The following NRG1 variants were observed in gnomAD, a reference collection of about 807,000 sequenced individuals.
NRG1 encodes pro-neuregulin-1, membrane-bound isoform.
Under a neutral mutation model 63.8 loss-of-function variants are expected in NRG1, and 18 were observed. That is an observed-to-expected ratio of 0.28 (90% CI 0.19 to 0.42). The LOEUF (loss-of-function observed/expected upper bound fraction) is 0.42, where lower values mean the gene tolerates loss of function less well. Among genes scored for constraint, NRG1 ranks in the 10% least tolerant of loss-of-function variants. NRG1 has a pLI of 1.00. For synonymous variants in NRG1, 302 were observed against 301.3 expected (o/e 1.00, Z -0.02); for missense variants, 762 against 814.7 (o/e 0.94, Z 0.79).
chr8:32,567,957 G>A (rs191898247), intron 1 of NRG1, among the ~76,000 whole-genome samples: 2 of 152,348 alleles, frequency 1.3e-5, no homozygotes, highest in East Asian at 3.9e-4. Flanking sequence ...AGAATGCAGG[G>A]AAGTGACTGG....
At chr8:31,858,433 A>AC (rs1432218097) in intron 1 of NRG1, among the ~76,000 whole-genome samples, 1 of 152,160 alleles carries the variant, frequency 6.6e-6, no homozygotes, top group Non-Finnish European at 1.5e-5. Flanking sequence ...AAAATTAAAA[A>AC]ATCATTATTT....
intron 1 of NRG1, among the ~76,000 whole-genome samples, chr8:32,281,810 C>A (rs1424960636): frequency 2.0e-5 from 3 of 151,984 alleles, no homozygotes; most frequent in Non-Finnish European, 4.4e-5. Context: ...GTGAGACCCC[C>A]CCCATCTCTT....
chr8:32,432,405 A>T (rs1314289836), intron 1 of NRG1, among the ~76,000 whole-genome samples: 2 of 152,202 alleles, frequency 1.3e-5, no homozygotes, highest in African/African-American at 2.4e-5. Context: ...AAGAGAGTTT[A>T]AAAAATTTGC....
At chr8:32,437,856 T>G (rs1157951823) in intron 1 of NRG1, among the ~76,000 whole-genome samples, 3 of 152,182 alleles carry the variant, frequency 2.0e-5, no homozygotes, top group South Asian at 4.1e-4. Context: ...AGTAAATGCC[T>G]CTCAGCAAAA....
At chr8:31,944,914 C>T (rs553008242) in intron 1 of NRG1, among the ~76,000 whole-genome samples, 1 of 152,270 alleles carries the variant, frequency 6.6e-6, no homozygotes, top group East Asian at 1.9e-4. Context: ...CCGCATTTCC[C>T]AATGTGTCAA....
intron 1 of NRG1, among the ~76,000 whole-genome samples, chr8:31,674,693 C>G (rs1388993722): frequency 6.6e-6 from 1 of 152,134 alleles, no homozygotes; most frequent in South Asian, 2.1e-4. Flanking sequence ...AAACAGATTA[C>G]AGATGAATAT....
chr8:32,677,797 A>G (rs1452597672), intron 5 of NRG1, among the ~76,000 whole-genome samples: 1 of 152,176 alleles, frequency 6.6e-6, no homozygotes, highest in Admixed American at 6.6e-5. Context: ...TAAAAGCAAA[A>G]TTTATCAGCC....
intron 1 of NRG1, among the ~76,000 whole-genome samples, chr8:31,776,215 C>T (rs529426068): frequency 3.3e-5 from 5 of 152,130 alleles, no homozygotes; most frequent in South Asian, 2.1e-4. Context: ...CATGAAAGTT[C>T]GAGAACCACT....
At chr8:32,260,953 A>C (rs1255399618) in intron 1 of NRG1, among the ~76,000 whole-genome samples, 1 of 152,200 alleles carries the variant, frequency 6.6e-6, no homozygotes, top group Non-Finnish European at 1.5e-5. Flanking sequence ...CTTAATGCTT[A>C]TTGGCCACTG....
chr8:32,719,525 A>G (rs1820098459), intron 5 of NRG1, among the ~76,000 whole-genome samples: 1 of 152,016 alleles, frequency 6.6e-6, no homozygotes, highest in Admixed American at 6.6e-5. Context: ...TATCCATAAC[A>G]TGTTTGACAC....
intron 1 of NRG1, among the ~76,000 whole-genome samples, chr8:32,163,186 T>C (rs185701078): frequency 4.6e-5 from 7 of 152,344 alleles, no homozygotes; most frequent in Admixed American, 6.5e-5. Flanking sequence ...AGCTCTGGTT[T>C]TCCAGCCTAG....
intron 1 of NRG1, among the ~76,000 whole-genome samples, chr8:31,856,416 G>T (rs912953473): frequency 3.3e-5 from 5 of 152,100 alleles, no homozygotes; most frequent in African/African-American, 1.2e-4. Flanking sequence ...GGCTCTTGAG[G>T]CTTCTGCATT....
At chr8:32,382,973 G>A (rs1188082213) in intron 1 of NRG1, among the ~76,000 whole-genome samples, 3 of 151,816 alleles carry the variant, frequency 2.0e-5, no homozygotes, top group African/African-American at 4.8e-5. Context: ...TGTAATCTCA[G>A]CACTTTGGAA....
At chr8:32,595,329 A>G (rs1208573827) in intron 1 of NRG1, among the ~76,000 whole-genome samples, 1 of 152,026 alleles carries the variant, frequency 6.6e-6, no homozygotes, top group African/African-American at 2.4e-5. Flanking sequence ...AGCCGGGACT[A>G]CAGGCACATG....
chr8:32,577,709 T>C (rs1395883963), intron 1 of NRG1, among the ~76,000 whole-genome samples: 1 of 152,054 alleles, frequency 6.6e-6, no homozygotes, highest in Non-Finnish European at 1.5e-5. Context: ...CACTTTTTTT[T>C]TTTGTTTTTC....
chr8:31,640,579 C>T lies in NRG1; in HGVS notation c.37+1148C>T, dbSNP rs757942126. 3 of 1,612,028 alleles carry T rather than the reference C, an allele frequency of 1.9e-6. No homozygotes were observed. Among genetic ancestry groups the T allele is most frequent in the Non-Finnish European group, 2.5e-6 (3 of 1,179,560 alleles). On this transcript the variant is annotated intron_variant, in intron 1 of 10. Coordinates refer to the NRG1 transcript ENST00000519301. This position sits in a 1 kb window ranked among gnomAD's most constrained non-coding sequence, Gnocchi z 6.3. The stretch of plus-strand genomic sequence containing the variant: ...CCCCGCCTTCCCCTCCTGCGGGAGG[C>T]TCAAGGAGGACAGCAGGTACATCTT...
chr8:32,507,332 A>G (rs1210387708), intron 1 of NRG1, among the ~76,000 whole-genome samples: 1 of 152,204 alleles, frequency 6.6e-6, no homozygotes, highest in Non-Finnish European at 1.5e-5. Flanking sequence ...GTAGCAGAAT[A>G]TAAAGTTTGT....
At chr8:32,523,753 G>A (rs539062746) in intron 1 of NRG1, among the ~76,000 whole-genome samples, 1 of 152,232 alleles carries the variant, frequency 6.6e-6, no homozygotes, top group Admixed American at 6.5e-5. Flanking sequence ...GAGAGGCTGA[G>A]GCAGGAGAAT....
chr8:32,680,439 G>T (rs1024084590), intron 5 of NRG1, among the ~76,000 whole-genome samples: 2 of 152,128 alleles, frequency 1.3e-5, no homozygotes, highest in African/African-American at 2.4e-5. Flanking sequence ...ATAGTAAATT[G>T]ATTCTGTATG....
Sources: gnomAD v4.1 joint callset for allele counts (sites outside exome capture counted in the v4.1 genomes callset) on GRCh38, gnomAD v4.1.1 for gene constraint, Gnocchi (gnomAD v3.1) non-coding constraint, MANE v1.5 for transcripts, NCBI Gene and HGNC (gene_info 2026-07-23, HGNC 2026-07-21) for gene names.